The following VAT1L variants were observed in gnomAD, a reference collection of about 807,000 sequenced individuals.
VAT1L encodes vesicle amine transport 1 like.
A neutral mutation model predicts 44.1 loss-of-function variants in VAT1L; 34 were observed. That is an observed-to-expected ratio of 0.77 (90% CI 0.59 to 1.03). The LOEUF (loss-of-function observed/expected upper bound fraction) is 1.03. Among genes scored for constraint, VAT1L ranks in the 50% least tolerant of loss-of-function variants. The pLI, the probability that VAT1L is intolerant of heterozygous loss-of-function variation, is 0.00. For synonymous variants in VAT1L, 253 were observed against 202.2 expected (o/e 1.25, Z -2.13); for missense variants, 615 against 538.8 (o/e 1.14, Z -1.40).
intron 7 of VAT1L, among the ~76,000 whole-genome samples, chr16:77,962,207 C>T (rs1426631368): frequency 1.3e-5 from 2 of 152,130 alleles, no homozygotes; most frequent in Non-Finnish European, 2.9e-5. Context: ...TCTGTCTCCA[C>T]CCCAGAGTCC....
chr16:77,861,944 T>G (rs560946657), intron 3 of VAT1L, among the ~76,000 whole-genome samples: 1 of 152,364 alleles, frequency 6.6e-6, no homozygotes, highest in African/African-American at 2.4e-5. Context: ...TCTTTTACTG[T>G]CTTAATACCT....
chr16:77,825,120 G>C (rs1342801380), intron 2 of VAT1L, 126 bp from the exon 3 acceptor site: 7 of 958,914 alleles, frequency 7.3e-6, no homozygotes, highest in Non-Finnish European at 1.1e-5. Context: ...ACCCACCTCA[G>C]CCTCCCAAAG....
At chr16:77,928,572 T>G (rs2017694576) in intron 7 of VAT1L, among the ~76,000 whole-genome samples, 1 of 152,196 alleles carries the variant, frequency 6.6e-6, no homozygotes, top group African/African-American at 2.4e-5. Context: ...CATTTCCTCT[T>G]AAATAAGGCA....
intron 4 of VAT1L, among the ~76,000 whole-genome samples, chr16:77,874,560 T>G (rs532107652): frequency 7.9e-5 from 12 of 152,028 alleles, no homozygotes; most frequent in South Asian, 2.1e-4. Context: ...TGCTGTTCCC[T>G]CTGCCTAGGA....
At chr16:77,866,897 G>C (rs1457179377) in intron 4 of VAT1L, among the ~76,000 whole-genome samples, 1 of 152,176 alleles carries the variant, frequency 6.6e-6, no homozygotes, top group Non-Finnish European at 1.5e-5. Flanking sequence ...AGATCAGAGA[G>C]AGCACGTCAA....
chr16:77,866,623 AAAG>A, intron 4 of VAT1L, among the ~76,000 whole-genome samples: 1 of 152,202 alleles, frequency 6.6e-6, no homozygotes, highest in Admixed American at 6.5e-5. Context: ...AAAAAAAAAA[AAAG>A]ATAAAATTTC....
intron 3 of VAT1L, among the ~76,000 whole-genome samples, chr16:77,843,916 G>A (rs986011008): frequency 6.6e-6 from 1 of 152,206 alleles, no homozygotes; most frequent in African/African-American, 2.4e-5. Context: ...CTCTGCCAGG[G>A]AGAGCAGGAG....
intron 7 of VAT1L, among the ~76,000 whole-genome samples, chr16:77,937,179 C>T (rs1017917019): frequency 3.3e-5 from 5 of 152,198 alleles, no homozygotes; most frequent in Non-Finnish European, 2.9e-5. Context: ...CCGCGTCCTG[C>T]CCAACCTGAG....
intron 1 of VAT1L, among the ~76,000 whole-genome samples, chr16:77,806,994 C>T (rs937778798): frequency 2.0e-5 from 3 of 152,162 alleles, no homozygotes; most frequent in African/African-American, 7.2e-5. Flanking sequence ...CTGATCCCAG[C>T]AGGTTCTTTC....
At chr16:77,849,541 A>T (rs547536452) in intron 3 of VAT1L, among the ~76,000 whole-genome samples, 1 of 152,220 alleles carries the variant, frequency 6.6e-6, no homozygotes, top group African/African-American at 2.4e-5. Context: ...AAATAATTTT[A>T]CTCTTACTAC....
At chr16:77,853,995 G>A (rs1476065648) in intron 3 of VAT1L, among the ~76,000 whole-genome samples, 2 of 152,006 alleles carry the variant, frequency 1.3e-5, no homozygotes, top group Non-Finnish European at 2.9e-5. Context: ...AGGCATGGTG[G>A]CACGTGCCTG....
intron 3 of VAT1L, among the ~76,000 whole-genome samples, chr16:77,857,052 C>G (rs559184709): frequency 6.6e-6 from 1 of 152,244 alleles, no homozygotes; most frequent in African/African-American, 2.4e-5. Flanking sequence ...CAAAAGAAGC[C>G]GCAGCTGCTA....
intron 3 of VAT1L, among the ~76,000 whole-genome samples, chr16:77,830,570 C>T (rs754031512): frequency 2.2e-4 from 33 of 152,294 alleles, no homozygotes; most frequent in Middle Eastern, 6.8e-3. Context: ...GGGGAGTTCA[C>T]CTGCACAAGC....
intron 1 of VAT1L, among the ~76,000 whole-genome samples, chr16:77,790,381 C>T (rs7195779): frequency 1.0e-3 from 156 of 152,280 alleles, no homozygotes; most frequent in African/African-American, 3.2e-3. Context: ...TGCCCTTTCG[C>T]AGCTAAATCC....
rs559767571 is a variant in VAT1L, at chr16:77,903,801, A to C, written c.1077+18999A>C. On this transcript the variant is annotated intron_variant, in intron 7 of 8. Coordinates refer to ENST00000302536, the MANE Select transcript of VAT1L (RefSeq NM_020927.3). ...ACCCAGGCTGGAGTGCAGTGGCGTG[A>C]TCTCGGCTCACTGCAAGCTCCGCCT... is the stretch of plus-strand genomic sequence containing the variant. 3.6e-4 allele frequency among the ~76,000 whole-genome samples: 50 copies of C among 140,288 alleles called. No homozygotes were observed. In the South Asian group the frequency reaches 0.011, roughly 32 times the overall value. The allele number at this position is 140,288 out of a possible 152,430, so 92.0% of individuals were successfully genotyped here.
rs183888232 is a variant in VAT1L at position 77,810,952 on chromosome 16, A to G, written c.234-5969A>G. On this transcript the variant is annotated intron_variant, in intron 1 of 8. Transcript: ENST00000302536. ...ACTTTTGCACCAACCTAATAAAACA[A>G]TGGGTTTCTGAAGATTCTTTGGCAG... 3.5e-3 allele frequency among the ~76,000 whole-genome samples: 532 copies of G among 152,240 alleles called. 6 individuals carry two copies. Among genetic ancestry groups the G allele is most frequent in the Non-Finnish European group, 3.6e-3 (247 of 68,018 alleles).
chr16:77,973,181 A>G (rs1229813574), intron 8 of VAT1L, among the ~76,000 whole-genome samples: 2 of 152,216 alleles, frequency 1.3e-5, no homozygotes, highest in East Asian at 1.9e-4. Flanking sequence ...TGACCTGGGC[A>G]AGTTACATGA....
At chr16:77,947,559 T>A (rs1042979465) in intron 7 of VAT1L, among the ~76,000 whole-genome samples, 1 of 152,106 alleles carries the variant, frequency 6.6e-6, no homozygotes, top group Non-Finnish European at 1.5e-5. Flanking sequence ...TCTAGCTGTG[T>A]CCAAGTGAAG....
chr16:77,980,081 T>G lies in VAT1L; in HGVS notation c.*2386T>G, dbSNP rs2018383772. The G allele has an allele frequency of 6.6e-6, 1 of 152,664 alleles. No individual in the cohort carries two copies. The highest frequency in any genetic ancestry group is 2.4e-5 in the African/African-American group (1 of 41,470). 9.5% of individuals were successfully genotyped at this position (152,664 alleles called of 1,614,324 possible). A position where few individuals can be genotyped will look rare whatever the true frequency, so the allele number is the denominator to read the frequency against. On this transcript the variant is annotated 3_prime_UTR_variant, in exon 9 of 9. Transcript: ENST00000302536. Reference sequence around the variant, plus strand: ...AATTATGTTTACATAAAAATATAAATAAAGTATTCAGCATAGCAAAACCTC... The same window carrying G: ...AATTATGTTTACATAAAAATATAAAGAAAGTATTCAGCATAGCAAAACCTC...
Sources: gnomAD v4.1 joint callset for allele counts (sites outside exome capture counted in the v4.1 genomes callset) on GRCh38, gnomAD v4.1.1 for gene constraint, MANE v1.5 for transcripts, NCBI Gene and HGNC (gene_info 2026-07-23, HGNC 2026-07-21) for gene names.